Variants in CASK observed in about 807,000 individuals in gnomAD.
CASK encodes calcium/calmodulin dependent serine protein kinase.
Under a neutral mutation model 82.9 loss-of-function variants are expected in CASK, and 4 were observed. That is an observed-to-expected ratio of 0.05 (90% CI 0.02 to 0.11). The LOEUF is 0.11. Ranked by LOEUF, CASK falls within the 10% of genes least tolerant of loss-of-function variation. The pLI is 1.00. For missense variants in CASK, 358 were observed against 720.9 expected, an observed-to-expected ratio of 0.50 and a Z score of 5.76; for synonymous variants, 259 against 253.5, an observed-to-expected ratio of 1.02 and a Z score of -0.20.
At chrX:41,621,696 A>G (rs938487066) in intron 11 of CASK, among the ~76,000 whole-genome samples, 1 of 112,302 alleles carries the variant, frequency 8.9e-6, no homozygotes, top group Non-Finnish European at 1.9e-5. Flanking sequence ...AACAATAGGT[A>G]ACTAATATAC....
At chrX:41,541,075 A>T (rs2064940561) in intron 22 of CASK, among the ~76,000 whole-genome samples, 1 of 112,292 alleles carries the variant, frequency 8.9e-6, no homozygotes, top group African/African-American at 3.2e-5. Context: ...ACATTTCTCA[A>T]TTTATATGTC....
At chrX:41,532,074 T>G (rs1179873097) in intron 24 of CASK, among the ~76,000 whole-genome samples, 2 of 111,684 alleles carry the variant, frequency 1.8e-5, no homozygotes, top group African/African-American at 6.5e-5. Context: ...CAGCTGGGAT[T>G]ATAGGCGTGT....
intron 12 of CASK, among the ~76,000 whole-genome samples, chrX:41,590,510 C>CAAAA (rs763695085): frequency 9.1e-3 from 270 of 29,565 alleles, no homozygotes; most frequent in African/African-American, 0.011. Context: ...ATTCCGTCTC[C>CAAAA]AAAAAAAAAA....
rs79126186 is a variant in CASK, at chrX:41,531,952, G to C, written c.2318-743C>G. On this transcript the variant is annotated intron_variant, in intron 24 of 26. Coordinates refer to ENST00000378163, the MANE Select transcript of CASK (RefSeq NM_001367721.1). ...TTTTTTATTTTTATTTTTTTATTTT[G>C]GAGACAGAGTCCCACTCTGTAGCCC... Among the ~76,000 whole-genome samples the C allele has an allele frequency of 2.7e-5, 3 of 111,098 alleles. No homozygotes were observed. In the East Asian group the frequency reaches 8.5e-4, roughly 31 times the overall value.
At chrX:41,524,925 G>A (rs1337517649) in intron 25 of CASK, among the ~76,000 whole-genome samples, 1 of 111,325 alleles carries the variant, frequency 9.0e-6, no homozygotes, top group Non-Finnish European at 1.9e-5. Context: ...ATTCATATGC[G>A]CTGGGGTAAA....
At chrX:41,530,723 G>A (rs1453026389) in intron 25 of CASK, among the ~76,000 whole-genome samples, 3 of 112,155 alleles carry the variant, frequency 2.7e-5, no homozygotes, top group African/African-American at 9.7e-5. Flanking sequence ...AGGATTTCTG[G>A]CAGGCGTAGA....
intron 11 of CASK, among the ~76,000 whole-genome samples, chrX:41,619,055 C>T (rs2066247776): frequency 9.1e-6 from 1 of 109,387 alleles, no homozygotes; most frequent in Middle Eastern, 4.3e-3. Flanking sequence ...TGGTCTCAAA[C>T]TCCTGACCTC....
At chrX:41,661,990 T>C (rs1470895117) in intron 7 of CASK, among the ~76,000 whole-genome samples, 4 of 111,046 alleles carry the variant, frequency 3.6e-5, no homozygotes, top group Non-Finnish European at 7.5e-5. Context: ...TGAGAAATCA[T>C]CTGAAAGGGG....
chrX:41,854,222 GCGCACACACACACACACACA>G (rs1318275238), intron 1 of CASK, among the ~76,000 whole-genome samples: 1 of 83,459 alleles, frequency 1.2e-5, no homozygotes, highest in East Asian at 3.6e-4. Context: ...GCGCGGGCGC[GCGCACACACACACACACACA>G]CACACACACA....
At chrX:41,710,245 A>C (rs2067951405) in intron 5 of CASK, among the ~76,000 whole-genome samples, 1 of 110,957 alleles carries the variant, frequency 9.0e-6, no homozygotes, top group East Asian at 2.8e-4. Context: ...TCTACAGAAA[A>C]GAATGGTTAG....
chrX:41,725,140 A>C (rs1602525840), intron 5 of CASK, among the ~76,000 whole-genome samples: 1 of 112,061 alleles, frequency 8.9e-6, no homozygotes, highest in East Asian at 2.8e-4. Context: ...TTTCTAAATA[A>C]AAATAGCAAA....
intron 2 of CASK, among the ~76,000 whole-genome samples, chrX:41,818,395 G>A (rs62589183): frequency 0.17 from 18,488 of 108,891 alleles, 1,440 homozygotes; most frequent in Middle Eastern, 0.3. Context: ...TTGAGCCCAG[G>A]AGTTCAAGAC....
chrX:41,786,977 G>A (rs747380429), intron 3 of CASK: 7 of 410,759 alleles, frequency 1.7e-5, no homozygotes, highest in Admixed American at 3.8e-5. Flanking sequence ...AAAGCATGAA[G>A]AGTAACTGAA....
At chrX:41,609,875 AAAG>A (rs760970906) in intron 12 of CASK, 26 bp downstream of exon 12, 16 of 1,203,792 alleles carry the variant, frequency 1.3e-5, no homozygotes, top group Non-Finnish European at 6.7e-6. Flanking sequence ...ATTCACCAAA[AAAG>A]AAGAATAATA....
intron 1 of CASK, among the ~76,000 whole-genome samples, chrX:41,919,058 T>G (rs1209708521): frequency 2.7e-5 from 3 of 112,258 alleles, no homozygotes; most frequent in Non-Finnish European, 5.6e-5. Context: ...CATGCTTTTT[T>G]GCCTTTTAAT....
At position 41,542,823 on chromosome X, in the gene CASK, G is replaced by T. The variant is rs375693462; in HGVS notation, c.2040-17C>A. The stretch of plus-strand genomic sequence containing the variant: ...GCTACTCGCCTAGCACATACAAAAA[G>T]AAAAATAAAATAAAATGAATTTATA... On this transcript the variant is annotated splice_polypyrimidine_tract_variant and intron_variant, in intron 21 of 26. Transcript: ENST00000378163. 108 of 962,432 alleles carry T rather than the reference G, an allele frequency of 1.1e-4. No individual in the cohort carries two copies. The highest frequency in any genetic ancestry group is 4.5e-4 in the South Asian group (22 of 49,389). The allele number at this position is 962,432 out of a possible 1,213,427, so 79.3% of individuals were successfully genotyped here. A position where few individuals can be genotyped will look rare whatever the true frequency, so the allele number is the denominator to read the frequency against.
intron 12 of CASK, among the ~76,000 whole-genome samples, chrX:41,592,239 AT>A (rs1766725944): frequency 9.1e-6 from 1 of 109,733 alleles, no homozygotes; most frequent in Admixed American, 9.8e-5. Flanking sequence ...AAAAAAAAAA[AT>A]CTCAAACCTG....
chrX:41,727,571 G>A lies in CASK; in HGVS notation c.429+11813C>T, dbSNP rs1220016554. 2.5e-6 allele frequency: 3 copies of A among 1,204,261 alleles called. No individual in the cohort carries two copies. In the African/African-American group the frequency reaches 5.3e-5, roughly 21 times the overall value. On this transcript the variant is annotated intron_variant, in intron 5 of 26. Transcript: ENST00000378163. ...TACTCAGTCATAGAGGCTACAGAAG[G>A]AGAAGAGAGCCTATGCTACAATCGG...
intron 8 of CASK, among the ~76,000 whole-genome samples, chrX:41,653,907 T>C (rs1473077857): frequency 9.0e-6 from 1 of 111,427 alleles, no homozygotes; most frequent in Non-Finnish European, 1.9e-5. Flanking sequence ...ACACAGGGAG[T>C]TATTCCTGAG....
Sources: gnomAD v4.1 joint callset for allele counts (sites outside exome capture counted in the v4.1 genomes callset) on GRCh38, gnomAD v4.1.1 for gene constraint, MANE v1.5 for transcripts, NCBI Gene and HGNC (gene_info 2026-07-23, HGNC 2026-07-21) for gene names.